LGALS8: variants seen among roughly 807,000 people sequenced by gnomAD.
LGALS8 encodes the protein galectin 8.
LGALS8 carries 30 observed loss-of-function variants against 35.9 expected under a neutral mutation model. That is an observed-to-expected ratio of 0.83 (90% confidence interval 0.62 to 1.13). The LOEUF is 1.13. Among genes scored for constraint, LGALS8 ranks in the 50% most tolerant of loss-of-function variants. The pLI is 0.00. For synonymous variants in LGALS8, 138 were observed against 136.1 expected (o/e 1.01, Z -0.10); for missense variants, 366 against 388.7 (o/e 0.94, Z 0.49).
chr1:236,520,805 C>A (rs1660529325), upstream of LGALS8, among the ~76,000 whole-genome samples: 1 of 152,174 alleles, frequency 6.6e-6, no homozygotes, highest in African/African-American at 2.4e-5. Context: ...ATCATTCTTC[C>A]CTCATGCTTC....
At position 236,540,552 on chromosome 1, in the gene LGALS8, G is replaced by GTATC; in HGVS notation, c.346-10_346-7dup. ...GGTGGCGGGGGGGGCTCTGTCTTCT[G>GTATC]TATCTCTCTAGGTGGCTGTAAATGG... On this transcript the variant is annotated splice_polypyrimidine_tract_variant and intron_variant, in intron 4 of 9. Transcript: ENST00000366584. The GTATC allele has an allele frequency of 6.5e-7, 1 of 1,549,076 alleles. No homozygotes were observed. The highest frequency in any genetic ancestry group is 8.7e-7 in the Non-Finnish European group (1 of 1,147,520).
At chr1:236,520,962 C>A (rs1660532234), upstream of LGALS8, among the ~76,000 whole-genome samples, 3 of 152,232 alleles carry the variant, frequency 2.0e-5, no homozygotes, top group South Asian at 6.2e-4. Context: ...CACTCACCAG[C>A]AGCTTAAACT....
In LGALS8 at chr1:236,551,273, C is replaced by T. The variant is rs549183623; in HGVS notation, c.*3112C>T. 28 of 400,046 alleles carry T rather than the reference C, an allele frequency of 7.0e-5. 1 individual carries two copies. Among genetic ancestry groups the T allele is most frequent in the South Asian group, 3.7e-4 (9 of 24,324 alleles). The allele number at this position is 400,046 out of a possible 1,614,324, so 24.8% of individuals were successfully genotyped here. ...CCCCTTTAGTAGCTCACACCTCCCC[C>T]CTCCAAGAGCTAAGAAACAAAGGAG... On this transcript the variant is annotated 3_prime_UTR_variant, in exon 10 of 10. Coordinates refer to ENST00000366584, the MANE Select transcript of LGALS8 (RefSeq NM_201544.4).
At chr1:236,521,912 T>C (rs1660561276), upstream of LGALS8, among the ~76,000 whole-genome samples, 1 of 152,092 alleles carries the variant, frequency 6.6e-6, no homozygotes, top group Non-Finnish European at 1.5e-5. Context: ...GCTGTTGTGT[T>C]GAGACTACAT....
chr1:236,539,573 G>A (rs1007374916), intron 4 of LGALS8, among the ~76,000 whole-genome samples: 3 of 151,918 alleles, frequency 2.0e-5, no homozygotes, highest in African/African-American at 7.3e-5. Context: ...TGGCTTCATG[G>A]AGTGTCTTGT....
chr1:236,536,706 A>C (rs1661530456), intron 2 of LGALS8: 1 of 152,570 alleles, frequency 6.6e-6, no homozygotes. Context: ...GGCGTGGCTT[A>C]ACGTGGAGTT....
upstream of LGALS8, chr1:236,523,744 C>T (rs1012679337): frequency 3.2e-6 from 1 of 312,628 alleles, no homozygotes; most frequent in Non-Finnish European, 6.3e-6. Context: ...GTCCTTATCC[C>T]TCTGTGCTCG....
At chr1:236,543,007 C>T (rs1291523381) in intron 7 of LGALS8, 3 of 1,614,030 alleles carry the variant, frequency 1.9e-6, no homozygotes, top group Admixed American at 1.7e-5. Context: ...CTTTGACTTG[C>T]ACCAAAATAC....
intron 2 of LGALS8, among the ~76,000 whole-genome samples, chr1:236,531,190 C>A (rs819415): frequency 6.6e-6 from 1 of 151,940 alleles, no homozygotes; most frequent in Non-Finnish European, 1.5e-5. Flanking sequence ...CGATTATATC[C>A]GGTGCTATAG....
upstream of LGALS8, chr1:236,518,461 C>G (rs954938503): frequency 6.6e-6 from 1 of 152,124 alleles, no homozygotes; most frequent in African/African-American, 2.4e-5. Flanking sequence ...AAGACACCGT[C>G]CATGACACTT....
intron 2 of LGALS8, among the ~76,000 whole-genome samples, chr1:236,537,198 G>A (rs1661587556): frequency 6.6e-6 from 1 of 151,800 alleles, no homozygotes. Flanking sequence ...TGTATTTTTA[G>A]TAGAGACGGG....
At chr1:236,536,634 A>C (rs1332894909) in intron 2 of LGALS8, 1 of 152,370 alleles carries the variant, frequency 6.6e-6, no homozygotes, top group Non-Finnish European at 1.5e-5. Flanking sequence ...CTAACAGTGC[A>C]GTCTGGGTTG....
intron 4 of LGALS8, among the ~76,000 whole-genome samples, chr1:236,539,788 C>T (rs1234177157): frequency 6.6e-6 from 1 of 152,264 alleles, no homozygotes; most frequent in Non-Finnish European, 1.5e-5. Context: ...TCACCTCTCC[C>T]TTCTCTGGCC....
chr1:236,537,086 G>A (rs2093516), intron 2 of LGALS8, among the ~76,000 whole-genome samples: 8 of 144,946 alleles, frequency 5.5e-5, no homozygotes, highest in East Asian at 4.1e-4. Context: ...GCGCGATCTC[G>A]GCTCACTGCA....
chr1:236,520,932 T>C (rs533616752), upstream of LGALS8, among the ~76,000 whole-genome samples: 14 of 152,364 alleles, frequency 9.2e-5, no homozygotes, highest in Non-Finnish European at 1.8e-4. Context: ...ACCATCTTCA[T>C]ATGGCTGTTT....
rs777875940 is a variant in LGALS8 at position 236,550,899 on chromosome 1, G to A, written c.*2738G>A. 44 of 1,589,300 alleles carry A rather than the reference G, an allele frequency of 2.8e-5. No homozygotes were observed. The highest frequency in any genetic ancestry group is 3.7e-5 in the Non-Finnish European group (43 of 1,170,288). The stretch of plus-strand genomic sequence containing the variant: ...AGTAGAGTATGAAACACCACAGAAA[G>A]TCTTAGAAATAGCTCTGGAGTGGCT... On this transcript the variant is annotated 3_prime_UTR_variant, in exon 10 of 10. Coordinates refer to ENST00000366584, the MANE Select transcript of LGALS8 (RefSeq NM_201544.4).
upstream of LGALS8, among the ~76,000 whole-genome samples, chr1:236,520,163 G>T (rs1355175867): frequency 6.6e-6 from 1 of 151,508 alleles, no homozygotes; most frequent in Non-Finnish European, 1.5e-5. Context: ...CACCATATTG[G>T]CCAGGCTGGT....
At chr1:236,539,582 G>A (rs66877117) in intron 4 of LGALS8, among the ~76,000 whole-genome samples, 92,746 of 151,788 alleles carry the variant, frequency 0.61, 29,224 homozygotes, top group Non-Finnish European at 0.69. Context: ...GGAGTGTCTT[G>A]TACCTAGCGT....
intron 5 of LGALS8, 85 bp downstream of exon 5, chr1:236,540,768 T>C (rs929797093): frequency 7.3e-7 from 1 of 1,365,694 alleles, no homozygotes; most frequent in Non-Finnish European, 9.9e-7. Context: ...AACACTTCTA[T>C]TGACATAAAA....
Sources: allele counts gnomAD v4.1 joint callset (sites outside exome capture counted in the v4.1 genomes callset), GRCh38; gene constraint gnomAD v4.1.1; transcripts MANE v1.5; gene names NCBI Gene and HGNC (gene_info 2026-07-23, HGNC 2026-07-21).